NKD2: variants seen among roughly 807,000 people sequenced by gnomAD.
NKD2 encodes NKD inhibitor of Wnt signaling pathway 2, also known as protein naked cuticle homolog 2.
NKD2 carries 43 observed loss-of-function variants against 34.8 expected under a neutral mutation model. The ratio of observed to expected loss-of-function variants is 1.24; its 90% CI spans 0.97 to 1.60. The LOEUF is 1.60. Among genes scored for constraint, NKD2 ranks in the 40% most tolerant of loss-of-function variants. The probability of loss-of-function intolerance (pLI) is 0.00; values close to 1 mark genes in which losing one functional copy is unlikely to be tolerated. For missense variants in NKD2, 675 were observed against 627.1 expected (o/e 1.08, Z -0.82); for synonymous variants, 278 against 265.1 (o/e 1.05, Z -0.47).
chr5:1,027,795 G>A (rs1054841725), intron 3 of NKD2, among the ~76,000 whole-genome samples: 15 of 152,356 alleles, frequency 9.8e-5, no homozygotes, highest in South Asian at 2.1e-4. Context: ...CGAGACCTGG[G>A]AAAGGTGCCT....
intron 8 of NKD2, chr5:1,035,825 C>A: frequency 3.0e-6 from 1 of 332,342 alleles, no homozygotes; most frequent in Non-Finnish European, 5.4e-6. Flanking sequence ...CTGAGGGTGG[C>A]TGGGGCAGTG....
intron 3 of NKD2, among the ~76,000 whole-genome samples, chr5:1,019,000 C>G (rs1414326897): frequency 6.6e-6 from 1 of 152,202 alleles, no homozygotes; most frequent in East Asian, 1.9e-4. Context: ...GTCTGGGAGA[C>G]TCAGAGCCCT....
rs573464565 is a variant in NKD2, at chr5:1,037,526, A to G, written c.788-279A>G. 37 of 1,535,778 alleles carry G rather than the reference A, an allele frequency of 2.4e-5. 2 individuals are homozygous for G. In the South Asian group the frequency reaches 4.0e-4, roughly 17 times the overall value. On this transcript the variant is annotated intron_variant, in intron 9 of 9. Transcript: ENST00000296849. ...GCCACGGCGCCCCAAGCAGGGTCTCAGCTGTGCGAGAAGAGAAGCTCCGCT... is the reference window on the plus strand; with the variant it reads ...GCCACGGCGCCCCAAGCAGGGTCTCGGCTGTGCGAGAAGAGAAGCTCCGCT...
At chr5:1,013,070 G>A (rs1252987124) in intron 3 of NKD2, among the ~76,000 whole-genome samples, 2 of 152,322 alleles carry the variant, frequency 1.3e-5, no homozygotes, top group African/African-American at 4.8e-5. Flanking sequence ...GCTCGGCCAC[G>A]TGCCACACAG....
chr5:1,034,847 T>G lies in NKD2; in HGVS notation c.518T>G (p.Leu173Arg). 6.2e-7 allele frequency: 1 copy of G among 1,612,774 alleles called. No homozygotes were observed. The highest frequency in any genetic ancestry group is 8.5e-7 in the Non-Finnish European group (1 of 1,179,938). The change falls in exon 7 of 10, where the codon CTA becomes CGA. Residue 173 changes from leucine to arginine, a missense_variant. Physicochemically the swap from Leu to Arg is moderately radical, Grantham distance 102. Coordinates refer to ENST00000296849, the MANE Select transcript of NKD2 (RefSeq NM_033120.4). Reference sequence around the variant, plus strand: ...AGCAGCAAGACCCTCCGTGTGAAGCTAACCGTCAGCCCTGAGCCCTCCAGC... The same window carrying G: ...AGCAGCAAGACCCTCCGTGTGAAGCGAACCGTCAGCCCTGAGCCCTCCAGC... Reference protein sequence around the residue: ...SGSSKTLRVKLTVSPEPSSKR... With the variant: ...SGSSKTLRVKRTVSPEPSSKR...
At position 1,009,675 on chromosome 5, in the gene NKD2, G is replaced by A; in HGVS notation, c.141+115G>A. On this transcript the variant is annotated intron_variant, in intron 3 of 9. Transcript: ENST00000296849. The surrounding 1 kb of genome is among the most constrained non-coding windows in gnomAD (Gnocchi z 6.9). The stretch of plus-strand genomic sequence containing the variant: ...GACAGGCGAGACGTGGGCCGCCATG[G>A]CCGCACGAGTGACCGGGGGCCAGGA... 3.6e-6 allele frequency: 3 copies of A among 843,900 alleles called. No homozygotes were observed. The highest frequency in any genetic ancestry group is 5.0e-6 in the Non-Finnish European group (3 of 599,868). The allele number at this position is 843,900 out of a possible 1,614,324, so 52.3% of individuals were successfully genotyped here.
intron 5 of NKD2, chr5:1,034,007 C>T (rs913125351): frequency 1.4e-5 from 8 of 583,314 alleles, no homozygotes; most frequent in South Asian, 8.3e-5. Context: ...GTGGGGGAAC[C>T]GAATCACAGG....
At chr5:1,028,697 C>T (rs1018597674) in intron 3 of NKD2, among the ~76,000 whole-genome samples, 3 of 151,780 alleles carry the variant, frequency 2.0e-5, no homozygotes, top group Non-Finnish European at 2.9e-5. Context: ...CACCCCAAAC[C>T]GGAAGTGCAG....
At chr5:1,034,353 C>A in intron 6 of NKD2, 23 bp downstream of exon 6, 15 of 1,576,214 alleles carry the variant, frequency 9.5e-6, no homozygotes, top group Non-Finnish European at 1.3e-5. Context: ...GTGTTTGCGT[C>A]AGGTCCACAG....
Position 1,035,633 on chromosome 5 carries a change from C to G in NKD2, c.659+160C>G, listed in dbSNP as rs141021506. ...GCAGCTCTGTGGGGCATGGGCCCTT[C>G]CAGCATCTGGCACCCTGGCTGAGCT... is the stretch of plus-strand genomic sequence containing the variant. On this transcript the variant is annotated intron_variant, in intron 8 of 9. Transcript: ENST00000296849. 2.2e-3 allele frequency among the ~76,000 whole-genome samples: 341 copies of G among 152,358 alleles called. 1 individual carries two copies. Among genetic ancestry groups the G allele is most frequent in the African/African-American group, 7.1e-3 (297 of 41,576 alleles).
At chr5:1,021,717 G>A (rs933358034) in intron 3 of NKD2, among the ~76,000 whole-genome samples, 6 of 151,794 alleles carry the variant, frequency 4.0e-5, no homozygotes, top group Non-Finnish European at 7.4e-5. Flanking sequence ...TATGGCGGCC[G>A]GCAGAAGTGG....
At chr5:1,013,757 G>T (rs1036556019) in intron 3 of NKD2, among the ~76,000 whole-genome samples, 1 of 152,250 alleles carries the variant, frequency 6.6e-6, no homozygotes, top group African/African-American at 2.4e-5. Context: ...GGTTGGGCCA[G>T]TGGATCTGTG....
intron 3 of NKD2, among the ~76,000 whole-genome samples, chr5:1,029,127 GA>G: frequency 8.7e-6 from 1 of 114,668 alleles, no homozygotes; most frequent in African/African-American, 3.0e-5. Flanking sequence ...CAGCCACAGA[GA>G]TTGGAGTGGC....
In NKD2 at chr5:1,038,313, G is replaced by GCAC. The variant is rs773287517; in HGVS notation, c.1309_1311dup (p.His437dup). On this transcript the variant is annotated inframe_insertion, in exon 10 of 10. Transcript: ENST00000296849. This position sits in a 1 kb window ranked among gnomAD's most constrained non-coding sequence, Gnocchi z 4.5. ...CGGTGCCAGTGATCCAGCGGCACGA[G>GCAC]CACCACCACCACCACGAGCACCACC... is the stretch of plus-strand genomic sequence containing the variant. 3.8e-5 allele frequency: 58 copies of GCAC among 1,538,200 alleles called. No homozygotes were observed. The highest frequency in any genetic ancestry group is 4.4e-5 in the Non-Finnish European group (50 of 1,148,246).
intron 3 of NKD2, among the ~76,000 whole-genome samples, chr5:1,020,461 C>T (rs897156895): frequency 1.2e-4 from 19 of 152,118 alleles, no homozygotes; most frequent in African/African-American, 4.1e-4. Flanking sequence ...CTCAGCCACA[C>T]CTAGCTGACG....
At position 1,032,083 on chromosome 5, in the gene NKD2, A is replaced by G. The variant is rs970345967; in HGVS notation, c.142-69A>G. On this transcript the variant is annotated intron_variant, in intron 3 of 9. Coordinates refer to ENST00000296849, the MANE Select transcript of NKD2 (RefSeq NM_033120.4). Reference sequence around the variant, plus strand: ...GTCAGGCTCCAGTCCAGCCGCCCAGAGCTCCTGCCCATCTCCCCCGCCTGC... The same window carrying G: ...GTCAGGCTCCAGTCCAGCCGCCCAGGGCTCCTGCCCATCTCCCCCGCCTGC... 1.3e-5 allele frequency: 17 copies of G among 1,279,444 alleles called. No homozygotes were observed. In the Admixed American group the frequency reaches 2.9e-4, roughly 22 times the overall value. 79.3% of individuals were successfully genotyped at this position (1,279,444 alleles called of 1,614,324 possible).
chr5:1,028,955 CCT>C lies in NKD2; in HGVS notation c.142-3193_142-3192del, dbSNP rs143071814. Among the ~76,000 whole-genome samples the C allele has an allele frequency of 9.5e-4, 144 of 152,308 alleles. 1 individual carries two copies. The highest frequency in any genetic ancestry group is 3.3e-3 in the African/African-American group (138 of 41,554). ...GCTGGGATCCTGTGTGCGGACTTGGCCTCTCAGAAGGTCTTCCCAGTGGGGAG... is the reference window on the plus strand; with the variant it reads ...GCTGGGATCCTGTGTGCGGACTTGGCCTCAGAAGGTCTTCCCAGTGGGGAG... On this transcript the variant is annotated intron_variant, in intron 3 of 9. Coordinates refer to ENST00000296849, the MANE Select transcript of NKD2 (RefSeq NM_033120.4).
Position 1,009,689 on chromosome 5 carries a change from CGGG to C in NKD2, c.141+132_141+134del. The C allele has an allele frequency of 4.2e-6, 3 of 721,638 alleles. No homozygotes were observed. The highest frequency in any genetic ancestry group is 6.1e-6 in the Non-Finnish European group (3 of 488,404). The allele number at this position is 721,638 out of a possible 1,614,324, so 44.7% of individuals were successfully genotyped here. ...GGGCCGCCATGGCCGCACGAGTGACCGGGGGCCAGGAGAGCCAGTCTCTCCCCA... is the reference window on the plus strand; with the variant it reads ...GGGCCGCCATGGCCGCACGAGTGACCGGCCAGGAGAGCCAGTCTCTCCCCA... On this transcript the variant is annotated intron_variant, in intron 3 of 9. Coordinates refer to ENST00000296849, the MANE Select transcript of NKD2 (RefSeq NM_033120.4). The surrounding 1 kb of genome is among the most constrained non-coding windows in gnomAD (Gnocchi z 6.9).
intron 3 of NKD2, 121 bp from the exon 4 acceptor site, chr5:1,032,031 A>T: frequency 1.3e-6 from 1 of 741,568 alleles, no homozygotes; most frequent in Non-Finnish European, 2.3e-6. Context: ...CCAGAGATTG[A>T]GACGCCCCAG....
Sources: gnomAD v4.1 joint callset for allele counts (sites outside exome capture counted in the v4.1 genomes callset) on GRCh38, gnomAD v4.1.1 for gene constraint, Gnocchi (gnomAD v3.1) non-coding constraint, MANE v1.5 for transcripts, NCBI Gene and HGNC (gene_info 2026-07-23, HGNC 2026-07-21) for gene names.